The following HIKESHI variants were observed in gnomAD, a reference collection of about 807,000 sequenced individuals.
HIKESHI encodes heat shock protein nuclear import factor hikeshi.
A neutral mutation model predicts 25.7 loss-of-function variants in HIKESHI; 13 were observed. The observed-to-expected ratio is 0.51, with a 90% CI of 0.33 to 0.80. The LOEUF (loss-of-function observed/expected upper bound fraction) is 0.80. Ranked by LOEUF, HIKESHI falls within the 30% of genes least tolerant of loss-of-function variation. The pLI is 0.02. For synonymous variants in HIKESHI, 76 were observed against 78.7 expected, an observed-to-expected ratio of 0.97 and a Z score of 0.18; for missense variants, 174 against 229.5, an observed-to-expected ratio of 0.76 and a Z score of 1.56.
At chr11:86,313,802 A>G (rs1946898339) in intron 2 of HIKESHI, among the ~76,000 whole-genome samples, 1 of 152,206 alleles carries the variant, frequency 6.6e-6, no homozygotes, top group African/African-American at 2.4e-5. Context: ...GGGTTGGGGA[A>G]GCTTTCCTGG....
At chr11:86,320,866 C>CT (rs1004446714) in intron 2 of HIKESHI, among the ~76,000 whole-genome samples, 3 of 151,978 alleles carry the variant, frequency 2.0e-5, no homozygotes, top group Non-Finnish European at 4.4e-5. Context: ...TTTTGTCTGG[C>CT]TTTTTTTACT....
intron 3 of HIKESHI, chr11:86,343,805 T>G (rs982696077): frequency 2.6e-5 from 4 of 152,144 alleles, no homozygotes; most frequent in African/African-American, 9.7e-5. Flanking sequence ...TGGCTGATTT[T>G]GTATATTTGA....
intron 2 of HIKESHI, among the ~76,000 whole-genome samples, chr11:86,329,574 C>CTTTTTTTT (rs71040232): frequency 9.0e-5 from 13 of 143,912 alleles, no homozygotes; most frequent in Non-Finnish European, 9.2e-5. Flanking sequence ...CCTGTGATTT[C>CTTTTTTTT]TTTTTTTTTT....
intron 2 of HIKESHI, among the ~76,000 whole-genome samples, chr11:86,330,673 C>T (rs1390049304): frequency 6.6e-6 from 1 of 152,190 alleles, no homozygotes; most frequent in Admixed American, 6.5e-5. Context: ...TTTGACTAGC[C>T]TTAGCCTGCT....
At chr11:86,341,488 C>CTT (rs112151717) in intron 3 of HIKESHI, among the ~76,000 whole-genome samples, 601 of 142,450 alleles carry the variant, frequency 4.2e-3, no homozygotes, top group Non-Finnish European at 4.4e-3. Context: ...TGGAATTCTC[C>CTT]TTTTTTTTTT....
chr11:86,337,503 T>A lies in HIKESHI; in HGVS notation c.393T>A (p.Ala131=). 2 of 1,613,390 alleles carry A rather than the reference T, an allele frequency of 1.2e-6. No homozygotes were observed. The highest frequency in any genetic ancestry group is 1.7e-6 in the Non-Finnish European group (2 of 1,179,846). ...AGCAGACTCCTGTAGGTAATGCTGC[T>A]GTATCCTCAGTTGACTCATTCACTC... ...MAQQTPVGNA[A]VSSVDSFTQF... Residue 131 remains alanine (A), a synonymous_variant, in exon 3 of 5, where the codon GCT becomes GCA. Transcript: ENST00000278483.
At chr11:86,327,211 A>G (rs184406102) in intron 2 of HIKESHI, among the ~76,000 whole-genome samples, 1 of 152,298 alleles carries the variant, frequency 6.6e-6, no homozygotes, top group African/African-American at 2.4e-5. Flanking sequence ...CATATATTGA[A>G]TATCTGCTAT....
At chr11:86,340,410 T>C (rs1424253303) in intron 3 of HIKESHI, among the ~76,000 whole-genome samples, 1 of 152,184 alleles carries the variant, frequency 6.6e-6, no homozygotes, top group Non-Finnish European at 1.5e-5. Context: ...CTCTCCAGCA[T>C]CTGTTGTTTC....
At chr11:86,334,517 G>A (rs2138395942) in intron 2 of HIKESHI, among the ~76,000 whole-genome samples, 1 of 152,100 alleles carries the variant, frequency 6.6e-6, no homozygotes, top group South Asian at 2.1e-4. Context: ...TTAAGACTAG[G>A]TCATATATTT....
At chr11:86,319,577 C>G (rs916433292) in intron 2 of HIKESHI, among the ~76,000 whole-genome samples, 12 of 151,676 alleles carry the variant, frequency 7.9e-5, no homozygotes, top group Admixed American at 6.6e-4. Context: ...TTTTTAATAT[C>G]AAATTGAATA....
Position 86,302,483 on chromosome 11 carries a change from G to A in HIKESHI, c.30+5G>A. On this transcript the variant is annotated splice_donor_5th_base_variant and intron_variant, in intron 1 of 4. Transcript: ENST00000278483. The stretch of plus-strand genomic sequence containing the variant: ...TGCTTGGTGGCGGGGAGGCTGGTGA[G>A]GATGGGACCGGGTGATATCAGGAAG... 6.4e-7 allele frequency: 1 copy of A among 1,557,806 alleles called. No homozygotes were observed. The highest frequency in any genetic ancestry group is 8.7e-7 in the Non-Finnish European group (1 of 1,150,624).
intron 1 of HIKESHI, among the ~76,000 whole-genome samples, chr11:86,304,626 A>G (rs1455032719): frequency 6.7e-6 from 1 of 148,394 alleles, no homozygotes; most frequent in East Asian, 2.0e-4. Context: ...AGCAATTCTC[A>G]TGCCTCAGCC....
At chr11:86,306,610 T>G (rs1451791288) in intron 2 of HIKESHI, 128 bp downstream of exon 2, 1 of 589,204 alleles carries the variant, frequency 1.7e-6, no homozygotes, top group African/African-American at 1.9e-5. Flanking sequence ...CAAAACATTG[T>G]TTTTTAAAAA....
intron 2 of HIKESHI, among the ~76,000 whole-genome samples, chr11:86,331,683 C>T (rs968686483): frequency 6.6e-6 from 1 of 151,960 alleles, no homozygotes; most frequent in Non-Finnish European, 1.5e-5. Context: ...TTCAGACATA[C>T]TATGGTATCA....
chr11:86,334,585 A>G (rs889775781), intron 2 of HIKESHI, among the ~76,000 whole-genome samples: 9 of 152,158 alleles, frequency 5.9e-5, no homozygotes, highest in Admixed American at 4.6e-4. Context: ...CTATTTGATG[A>G]TATGCTTTGA....
chr11:86,324,070 A>G (rs1203317111), intron 2 of HIKESHI: 1 of 152,028 alleles, frequency 6.6e-6, no homozygotes, highest in African/African-American at 2.4e-5. Context: ...TACAGATATG[A>G]TCCCGCTATT....
At chr11:86,333,670 TTTATCTC>T (rs911609388) in intron 2 of HIKESHI, among the ~76,000 whole-genome samples, 1 of 152,252 alleles carries the variant, frequency 6.6e-6, no homozygotes, top group African/African-American at 2.4e-5. Context: ...CTGCTATTCT[TTTATCTC>T]TTATATTTGT....
At chr11:86,311,471 C>G (rs980762893) in intron 2 of HIKESHI, among the ~76,000 whole-genome samples, 59 of 152,024 alleles carry the variant, frequency 3.9e-4, no homozygotes, top group African/African-American at 1.3e-3. Flanking sequence ...GTTAGTCTTG[C>G]TAGTGGTCTA....
intron 3 of HIKESHI, chr11:86,344,260 T>C (rs1366137878): frequency 2.1e-5 from 4 of 186,298 alleles, no homozygotes; most frequent in East Asian, 1.3e-4. Context: ...TCTTTTTTTT[T>C]CCCCAAAGTG....
Sources: allele counts gnomAD v4.1 joint callset (sites outside exome capture counted in the v4.1 genomes callset), GRCh38; gene constraint gnomAD v4.1.1; transcripts MANE v1.5; gene names NCBI Gene and HGNC (gene_info 2026-07-23, HGNC 2026-07-21).